The following SPOCK3 variants were observed in gnomAD, a reference collection of about 807,000 sequenced individuals.
SPOCK3 encodes SPARC (osteonectin), cwcv and kazal like domains proteoglycan 3, also known as testican-3.
SPOCK3 carries 30 observed loss-of-function variants against 56.6 expected under a neutral mutation model. That is an observed-to-expected ratio of 0.53 (90% CI 0.40 to 0.72). SPOCK3 has a LOEUF of 0.72. SPOCK3 is among the 30% of genes least tolerant of loss of function. The probability of loss-of-function intolerance (pLI) is 0.00; values close to 1 mark genes in which losing one functional copy is unlikely to be tolerated. For synonymous variants in SPOCK3, 196 were observed against 183.3 expected, an observed-to-expected ratio of 1.07 and a Z score of -0.56; for missense variants, 527 against 530.0, an observed-to-expected ratio of 0.99 and a Z score of 0.06.
At chr4:167,233,445 T>C (rs1409169998) in intron 2 of SPOCK3, among the ~76,000 whole-genome samples, 1 of 152,200 alleles carries the variant, frequency 6.6e-6, no homozygotes, top group Non-Finnish European at 1.5e-5. Flanking sequence ...AGCACAAATC[T>C]GATCGACAAT....
chr4:166,752,552 G>GTA (rs36225376), intron 8 of SPOCK3, among the ~76,000 whole-genome samples: 77 of 61,468 alleles, frequency 1.3e-3, no homozygotes, highest in African/African-American at 4.4e-3. Context: ...CTATATGTGT[G>GTA]TATATATATA....
intron 6 of SPOCK3, among the ~76,000 whole-genome samples, chr4:166,862,545 G>A (rs1445852732): frequency 1.3e-5 from 2 of 151,914 alleles, no homozygotes; most frequent in Non-Finnish European, 2.9e-5. Context: ...AACATTTTAA[G>A]TGTTCTCTTT....
chr4:166,844,531 G>C (rs1253596523), intron 6 of SPOCK3, among the ~76,000 whole-genome samples: 1 of 152,116 alleles, frequency 6.6e-6, no homozygotes, highest in Admixed American at 6.5e-5. Flanking sequence ...CGTCCAATCA[G>C]CTGAAGACCA....
intron 6 of SPOCK3, among the ~76,000 whole-genome samples, chr4:166,833,662 C>T (rs987791995): frequency 3.3e-5 from 5 of 152,038 alleles, no homozygotes; most frequent in Admixed American, 3.3e-4. Context: ...TTCTTTTTTG[C>T]CTCTTTTTCT....
Position 166,912,661 on chromosome 4 carries a change from T to C in SPOCK3, c.433A>G (p.Ser145Gly). 6.2e-7 allele frequency: 1 copy of C among 1,613,814 alleles called. No individual in the cohort carries two copies. Among genetic ancestry groups the C allele is most frequent in the Non-Finnish European group, 8.5e-7 (1 of 1,179,822 alleles). Reference protein sequence around the residue: ...TCKQCPVVYPSPVCGSDGHTY... With the variant: ...TCKQCPVVYPGPVCGSDGHTY... ...TGACCATCTGAACCACAAACAGGGC[T>C]GGGATAGACCACTGGGCACTGCTTG... The change falls in exon 5 of 11, where the codon AGC (serine) becomes GGC (glycine). Residue 145 changes from serine to glycine, a missense_variant. Transcript: ENST00000357545.
intron 6 of SPOCK3, among the ~76,000 whole-genome samples, chr4:166,885,690 G>T (rs1357156586): frequency 6.6e-6 from 1 of 151,880 alleles, no homozygotes; most frequent in African/African-American, 2.4e-5. Flanking sequence ...ACTACAAGGT[G>T]CATAAAGAGT....
chr4:167,055,895 A>G (rs1424076528), intron 3 of SPOCK3, among the ~76,000 whole-genome samples: 2 of 152,178 alleles, frequency 1.3e-5, no homozygotes, highest in Non-Finnish European at 2.9e-5. Context: ...ACAAAAAGAC[A>G]GCACTAACCT....
intron 4 of SPOCK3, among the ~76,000 whole-genome samples, chr4:166,917,987 T>G (rs1313884931): frequency 6.6e-6 from 1 of 152,202 alleles, no homozygotes; most frequent in Non-Finnish European, 1.5e-5. Context: ...AATATATTTC[T>G]TCTGCACTCA....
intron 2 of SPOCK3, among the ~76,000 whole-genome samples, chr4:167,113,860 T>C (rs1295541979): frequency 6.6e-6 from 1 of 151,990 alleles, no homozygotes; most frequent in East Asian, 1.9e-4. Flanking sequence ...CTGCAGTGCT[T>C]TGCTCCTTCA....
At chr4:166,845,922 C>A (rs1388456575) in intron 6 of SPOCK3, among the ~76,000 whole-genome samples, 1 of 152,032 alleles carries the variant, frequency 6.6e-6, no homozygotes, top group Non-Finnish European at 1.5e-5. Flanking sequence ...GAGAGTATAC[C>A]CTGTATGGTA....
At chr4:166,872,367 C>A (rs56702688) in intron 6 of SPOCK3, among the ~76,000 whole-genome samples, 2 of 152,178 alleles carry the variant, frequency 1.3e-5, no homozygotes, top group African/African-American at 4.8e-5. Flanking sequence ...AATTTAGCAT[C>A]GTTGCAGGAT....
chr4:167,077,917 T>C (rs984002571), intron 2 of SPOCK3, among the ~76,000 whole-genome samples: 1 of 151,860 alleles, frequency 6.6e-6, no homozygotes. Context: ...TGGCTTTAAT[T>C]TAACAAATTA....
chr4:167,186,838 G>A (rs550030969), intron 2 of SPOCK3, among the ~76,000 whole-genome samples: 7 of 151,612 alleles, frequency 4.6e-5, no homozygotes, highest in Admixed American at 1.3e-4. Context: ...TTAGCTGGGC[G>A]TGGTGGCACA....
upstream of SPOCK3, chr4:167,234,522 C>G: frequency 3.4e-6 from 1 of 290,726 alleles, no homozygotes; most frequent in Non-Finnish European, 6.5e-6. Flanking sequence ...TCGCTGCTTT[C>G]TGGAGCTGCT....
At chr4:167,049,537 T>A (rs1754012422) in intron 3 of SPOCK3, among the ~76,000 whole-genome samples, 2 of 152,128 alleles carry the variant, frequency 1.3e-5, no homozygotes, top group African/African-American at 2.4e-5. Flanking sequence ...TGAGGAGCAG[T>A]GCAAATAGAT....
At chr4:167,111,440 C>T (rs1760892023) in intron 2 of SPOCK3, among the ~76,000 whole-genome samples, 1 of 152,066 alleles carries the variant, frequency 6.6e-6, no homozygotes, top group African/African-American at 2.4e-5. Flanking sequence ...TTAGCCCCAT[C>T]TGACCTATTC....
intron 3 of SPOCK3, among the ~76,000 whole-genome samples, chr4:167,054,444 A>G (rs1301734338): frequency 6.6e-6 from 1 of 152,252 alleles, no homozygotes; most frequent in Non-Finnish European, 1.5e-5. Context: ...GTAGCAAACC[A>G]TATACATTTT....
chr4:166,939,435 TTTC>T (rs1191020790), intron 4 of SPOCK3, among the ~76,000 whole-genome samples: 1 of 152,050 alleles, frequency 6.6e-6, no homozygotes, highest in Non-Finnish European at 1.5e-5. Context: ...TCATAAGAAC[TTTC>T]TTCTTATGAA....
chr4:166,965,178 T>C (rs1383813008), intron 4 of SPOCK3, among the ~76,000 whole-genome samples: 2 of 151,980 alleles, frequency 1.3e-5, no homozygotes, highest in Non-Finnish European at 2.9e-5. Flanking sequence ...CAAAAATTCA[T>C]GCAGACTACT....
Sources: allele counts gnomAD v4.1 joint callset (sites outside exome capture counted in the v4.1 genomes callset), GRCh38; gene constraint gnomAD v4.1.1; transcripts MANE v1.5; gene names NCBI Gene and HGNC (gene_info 2026-07-23, HGNC 2026-07-21).